The following CAPN3 variants were observed in gnomAD, a reference collection of about 807,000 sequenced individuals.
CAPN3 encodes calpain-3.
A neutral mutation model predicts 114.0 loss-of-function variants in CAPN3; 88 were observed. That is an observed-to-expected ratio of 0.77 (90% CI 0.65 to 0.92). CAPN3 has a LOEUF of 0.92. CAPN3 is among the 40% of genes least tolerant of loss of function. The pLI is 0.00. For missense variants in CAPN3, 1,028 were observed against 1,069.0 expected (o/e 0.96, Z 0.53); for synonymous variants, 386 against 382.9 (o/e 1.01, Z -0.09).
At chr15:42,368,899 A>G (rs2052858154) in intron 1 of CAPN3, among the ~76,000 whole-genome samples, 1 of 152,206 alleles carries the variant, frequency 6.6e-6, no homozygotes, top group African/African-American at 2.4e-5. Flanking sequence ...CAAAAATACA[A>G]AGATTAGCCA....
rs529515819 is a variant in CAPN3 at position 42,388,393 on chromosome 15, C to T, written c.632+507C>T. Among the ~76,000 whole-genome samples the T allele has an allele frequency of 2.0e-5, 3 of 152,312 alleles. No homozygotes were observed. The South Asian group carries it at 6.2e-4, about 32-fold the overall frequency. ...AGTCACGGCTCACTGCAGCATTGAC[C>T]TCCTGGGTTCAAGGTGCTCCTCCCA... On this transcript the variant is annotated intron_variant, in intron 4 of 23. Transcript: ENST00000397163.
At chr15:42,362,620 A>G (rs1381238974) in intron 1 of CAPN3, among the ~76,000 whole-genome samples, 2 of 152,240 alleles carry the variant, frequency 1.3e-5, no homozygotes, top group East Asian at 3.8e-4. Flanking sequence ...TGGGTTCACT[A>G]GCATAAATGA....
intron 1 of CAPN3, among the ~76,000 whole-genome samples, chr15:42,364,191 C>T (rs555493233): frequency 9.9e-5 from 15 of 151,850 alleles, no homozygotes; most frequent in Non-Finnish European, 2.2e-4. Flanking sequence ...GTCAGATAAC[C>T]TAAGTTCAAG....
chr15:42,402,806 A>G lies in CAPN3; in HGVS notation c.1549A>G (p.Lys517Glu). Residue 517 changes from lysine to glutamate, a missense_variant, in exon 13 of 24, where the codon AAG becomes GAG. By Grantham distance (56) the Lys-to-Glu change is moderately conservative (BLOSUM62 1). Transcript: ENST00000397163. ...YEVPKEMHGN[K>E]QHLQKDFFLY... ...CCCCATCTCTCAGATGCACGGGAAC[A>G]AGCAGCACCTGCAGAAGGACTTCTT... is the stretch of plus-strand genomic sequence containing the variant. 1 of 1,614,164 alleles carries G rather than the reference A, an allele frequency of 6.2e-7. No individual in the cohort carries two copies. The highest frequency in any genetic ancestry group is 1.7e-5 in the Admixed American group (1 of 60,018).
At chr15:42,384,994 A>G (rs550807242) in intron 2 of CAPN3, among the ~76,000 whole-genome samples, 1 of 152,376 alleles carries the variant, frequency 6.6e-6, no homozygotes, top group South Asian at 2.1e-4. Flanking sequence ...TTGCCCCAGC[A>G]TAGCTCCATC....
At chr15:42,380,305 C>A (rs2053201328) in intron 1 of CAPN3, among the ~76,000 whole-genome samples, 1 of 146,866 alleles carries the variant, frequency 6.8e-6, no homozygotes, top group African/African-American at 2.5e-5. Flanking sequence ...TTTCTGGCTT[C>A]TCTGATTTAA....
rs398123145 is a variant in CAPN3, at chr15:42,410,621, G to A, written c.2218G>A (p.Gly740Ser). The A allele has an allele frequency of 1.2e-5, 19 of 1,613,854 alleles. No homozygotes were observed. The highest frequency in any genetic ancestry group is 1.6e-4 in the Middle Eastern group (1 of 6,084). Residue 740 changes from glycine (G) to serine (S), a missense_variant, in exon 21 of 24, where the codon GGC becomes AGC. By Grantham distance (56) the Gly-to-Ser change is moderately conservative. Transcript: ENST00000397163. ...CAAACACTATGACACAGACCAGTCC[G>A]GCACCATCAACAGCTACGAGATGCG... ...IFKHYDTDQS[G>S]TINSYEMRNA...
chr15:42,388,166 G>C (rs1475090797), intron 4 of CAPN3, among the ~76,000 whole-genome samples: 1 of 152,210 alleles, frequency 6.6e-6, no homozygotes, highest in East Asian at 1.9e-4. Flanking sequence ...TGGTGGCATT[G>C]CAAGTCTTGG....
rs765679186 is a variant in CAPN3 at position 42,402,819 on chromosome 15, A to C, written c.1562A>C (p.Gln521Pro). 1.2e-6 allele frequency: 2 copies of C among 1,614,214 alleles called. No individual in the cohort carries two copies. The highest frequency in any genetic ancestry group is 2.7e-5 in the African/African-American group (2 of 75,058). The change falls in exon 13 of 24, where the codon CAG becomes CCG. Residue 521 changes from glutamine to proline, a missense_variant. Physicochemically the swap from Gln to Pro is moderately conservative, Grantham distance 76 (BLOSUM62 -1). Coordinates refer to ENST00000397163, the MANE Select transcript of CAPN3 (RefSeq NM_000070.3). ...ATGCACGGGAACAAGCAGCACCTGCAGAAGGACTTCTTCCTGTACAACGCC... is the reference window on the plus strand; with the variant it reads ...ATGCACGGGAACAAGCAGCACCTGCCGAAGGACTTCTTCCTGTACAACGCC... ...KEMHGNKQHL[Q>P]KDFFLYNASK... is the part of the protein sequence containing the mutation.
chr15:42,374,015 T>G (rs4307925), intron 1 of CAPN3, among the ~76,000 whole-genome samples: 7,980 of 152,162 alleles, frequency 0.052, 645 homozygotes, highest in African/African-American at 0.17. Context: ...TGATGAAGGT[T>G]CCCTAAAGGT....
At chr15:42,392,513 T>C (rs1218154404) in intron 6 of CAPN3, 126 bp from the exon 7 acceptor site, 3 of 743,646 alleles carry the variant, frequency 4.0e-6, no homozygotes, top group South Asian at 1.5e-5. Context: ...TGAGGCACAC[T>C]TTCAGGGAGC....
At chr15:42,367,333 C>T (rs772192607) in intron 1 of CAPN3, among the ~76,000 whole-genome samples, 36 of 152,140 alleles carry the variant, frequency 2.4e-4, no homozygotes, top group Non-Finnish European at 4.4e-4. Flanking sequence ...TGAGGAGGCT[C>T]TGCCCTCTCA....
At chr15:42,361,985 T>A (rs1181716342) in intron 1 of CAPN3, among the ~76,000 whole-genome samples, 1 of 152,274 alleles carries the variant, frequency 6.6e-6, no homozygotes, top group African/African-American at 2.4e-5. Context: ...CTGTTCATCT[T>A]TGAGGCCCCC....
At position 42,359,998 on chromosome 15, in the gene CAPN3, C is replaced by G. The variant is rs898013388; in HGVS notation, c.193C>G (p.His65Asp). 2.5e-6 allele frequency: 4 copies of G among 1,614,230 alleles called. No homozygotes were observed. Among genetic ancestry groups the G allele is most frequent in the Non-Finnish European group, 2.5e-6 (3 of 1,180,038 alleles). ...GVKEKTFEQL[H>D]KKCLEKKVLY... ...GAAAGAGAAGACATTCGAGCAACTT[C>G]ACAAGAAATGTCTAGAAAAGAAAGT... is the stretch of plus-strand genomic sequence containing the variant. The change falls in exon 1 of 24, where the codon CAC (histidine) becomes GAC (aspartate). Residue 65 changes from histidine (H) to aspartate (D), a missense_variant. His to Asp is a moderately conservative substitution (Grantham distance 81). Coordinates refer to ENST00000397163, the MANE Select transcript of CAPN3 (RefSeq NM_000070.3).
In CAPN3 at chr15:42,411,150, T is replaced by G. The variant is rs965728185; in HGVS notation, c.2381-137T>G. The G allele has an allele frequency of 3.1e-5, 31 of 997,668 alleles. 1 individual carries two copies. The highest frequency in any genetic ancestry group is 4.8e-5 in the Non-Finnish European group (30 of 619,776). 61.8% of individuals were successfully genotyped at this position (997,668 alleles called of 1,614,324 possible). On this transcript the variant is annotated intron_variant, in intron 22 of 23. Coordinates refer to ENST00000397163, the MANE Select transcript of CAPN3 (RefSeq NM_000070.3). ...CCAGAATGGGATGGCAAAGGGAGGG[T>G]TACTGGTGATTCTCTGCCTGCACAT...
rs571147679 is a variant in CAPN3, at chr15:42,363,844, ACTCGCGCCAGAT to A, written c.309+3734_309+3745del. Among the ~76,000 whole-genome samples the A allele has an allele frequency of 8.1e-3, 1,228 of 152,266 alleles. 14 individuals are homozygous for A. Among genetic ancestry groups the A allele is most frequent in the African/African-American group, 0.028 (1,174 of 41,524 alleles). ...AACTGAGTCTCAGAGGGATTAAATA[ACTCGCGCCAGAT>A]CTCCCAGTTAGTGAGGGTTGGAGCT... On this transcript the variant is annotated intron_variant, in intron 1 of 23. Coordinates refer to ENST00000397163, the MANE Select transcript of CAPN3 (RefSeq NM_000070.3).
At chr15:42,370,098 C>G (rs2052906184) in intron 1 of CAPN3, among the ~76,000 whole-genome samples, 1 of 152,040 alleles carries the variant, frequency 6.6e-6, no homozygotes, top group South Asian at 2.1e-4. Context: ...GTCTCGAACT[C>G]CTGACCTCAG....
At chr15:42,375,380 A>T (rs753814197) in intron 1 of CAPN3, among the ~76,000 whole-genome samples, 1 of 152,048 alleles carries the variant, frequency 6.6e-6, no homozygotes, top group Non-Finnish European at 1.5e-5. Context: ...TCCTTACGGG[A>T]TGAAGCAGTT....
rs769970351 is a variant in CAPN3, at chr15:42,401,746, A to G, written c.1460A>G (p.Lys487Arg). Residue 487 changes from lysine (K) to arginine (R), a missense_variant, in exon 11 of 24, where the codon AAG (lysine) becomes AGG (arginine). Physicochemically the swap from Lys to Arg is conservative, Grantham distance 26. Coordinates refer to ENST00000397163, the MANE Select transcript of CAPN3 (RefSeq NM_000070.3). ...AGCTTCCTGGTGGCCCTGATGCAGAAGAACCGGCGGAAGGACCGGAAGCTA... is the reference window on the plus strand; with the variant it reads ...AGCTTCCTGGTGGCCCTGATGCAGAGGAACCGGCGGAAGGACCGGAAGCTA... ...ICSFLVALMQ[K>R]NRRKDRKLGA... The G allele has an allele frequency of 6.2e-7, 1 of 1,614,048 alleles. No homozygotes were observed. Among genetic ancestry groups the G allele is most frequent in the Non-Finnish European group, 8.5e-7 (1 of 1,179,980 alleles).
Sources: gnomAD v4.1 joint callset for allele counts (sites outside exome capture counted in the v4.1 genomes callset) on GRCh38, gnomAD v4.1.1 for gene constraint, MANE v1.5 for transcripts, NCBI Gene and HGNC (gene_info 2026-07-23, HGNC 2026-07-21) for gene names.